The following VIT variants were observed in gnomAD, a reference collection of about 807,000 sequenced individuals.
VIT encodes vitrin.
A neutral mutation model predicts 78.0 loss-of-function variants in VIT; 99 were observed. The observed-to-expected ratio is 1.27, with a 90% CI of 1.08 to 1.50. The LOEUF (loss-of-function observed/expected upper bound fraction) is 1.50, where lower values mean the gene tolerates loss of function less well. Among genes scored for constraint, VIT ranks in the 40% most tolerant of loss-of-function variants. VIT has a pLI of 0.00. For missense variants in VIT, 1,126 were observed against 875.3 expected, an observed-to-expected ratio of 1.29 and a Z score of -3.61; for synonymous variants, 374 against 334.3, an observed-to-expected ratio of 1.12 and a Z score of -1.29.
At chr2:36,778,748 C>G (rs1209309881) in intron 9 of VIT, among the ~76,000 whole-genome samples, 1 of 152,180 alleles carries the variant, frequency 6.6e-6, no homozygotes, top group Non-Finnish European at 1.5e-5. Context: ...GTGCTCCCCA[C>G]TTCGGTACAG....
chr2:36,749,706 C>A (rs1668343179), intron 4 of VIT, among the ~76,000 whole-genome samples: 1 of 152,194 alleles, frequency 6.6e-6, no homozygotes, highest in Non-Finnish European at 1.5e-5. Flanking sequence ...CTGCCCAGGA[C>A]AGCTTTGAGA....
intron 15 of VIT, among the ~76,000 whole-genome samples, chr2:36,809,590 G>A (rs886723561): frequency 6.6e-6 from 1 of 152,006 alleles, no homozygotes. Context: ...GCTAATTTTT[G>A]TATTTTTAGT....
chr2:36,793,873 G>C (rs1665674819), intron 12 of VIT, among the ~76,000 whole-genome samples: 1 of 152,330 alleles, frequency 6.6e-6, no homozygotes, highest in East Asian at 1.9e-4. Flanking sequence ...CTTTAGGACT[G>C]AAAGGGCCTC....
chr2:36,766,409 G>A (rs1288624390), intron 6 of VIT, among the ~76,000 whole-genome samples: 1 of 152,120 alleles, frequency 6.6e-6, no homozygotes, highest in Non-Finnish European at 1.5e-5. Flanking sequence ...TCTTGCACCT[G>A]TAGTCCCAGC....
chr2:36,753,011 G>A (rs1345879342), intron 4 of VIT, among the ~76,000 whole-genome samples: 1 of 152,184 alleles, frequency 6.6e-6, no homozygotes, highest in Admixed American at 6.5e-5. Context: ...TATACACCAT[G>A]GAATACTATG....
intron 1 of VIT, among the ~76,000 whole-genome samples, chr2:36,702,988 C>G (rs1234912606): frequency 6.6e-6 from 1 of 152,200 alleles, no homozygotes; most frequent in Non-Finnish European, 1.5e-5. Flanking sequence ...AGAGCTAAAA[C>G]AACCCCAGGC....
intron 4 of VIT, among the ~76,000 whole-genome samples, chr2:36,752,366 A>G (rs1161156466): frequency 1.3e-5 from 2 of 152,160 alleles, no homozygotes; most frequent in African/African-American, 2.4e-5. Context: ...ACCTGGCCCT[A>G]GCAGTGAACT....
In VIT at chr2:36,808,573, C is replaced by T. The variant is rs766356760; in HGVS notation, c.1491C>T (p.Asp497=). 3.7e-6 allele frequency: 6 copies of T among 1,614,154 alleles called. No individual in the cohort carries two copies. Among genetic ancestry groups the T allele is most frequent in the Non-Finnish European group, 3.4e-6 (4 of 1,180,044 alleles). Residue 497 remains aspartate (D), a synonymous_variant, in exon 15 of 16, where the codon GAC becomes GAT. Transcript: ENST00000379242. ...QPLVKRVCDT[D]RLACSKTCLN... Reference sequence around the variant, plus strand: ...TGGTGAAGCGGGTCTGCGACACTGACCGCCTGGCCTGCAGCAAGACCTGCT... The same window carrying T: ...TGGTGAAGCGGGTCTGCGACACTGATCGCCTGGCCTGCAGCAAGACCTGCT...
chr2:36,752,455 T>G (rs1395189179), intron 4 of VIT, among the ~76,000 whole-genome samples: 2 of 152,162 alleles, frequency 1.3e-5, no homozygotes, highest in African/African-American at 2.4e-5. Flanking sequence ...GAGGTGAACA[T>G]CAAGGCCATG....
intron 15 of VIT, among the ~76,000 whole-genome samples, chr2:36,809,380 G>A (rs1666985881): frequency 6.6e-6 from 1 of 152,124 alleles, no homozygotes; most frequent in Non-Finnish European, 1.5e-5. Context: ...AAATTGTACT[G>A]GTACTTAGAC....
intron 6 of VIT, among the ~76,000 whole-genome samples, chr2:36,763,813 T>C (rs1459479588): frequency 6.6e-6 from 1 of 152,100 alleles, no homozygotes; most frequent in East Asian, 1.9e-4. Context: ...GGTCTCAAAC[T>C]CCTGACCTCA....
At chr2:36,770,824 C>A (rs988306451) in intron 7 of VIT, among the ~76,000 whole-genome samples, 1 of 152,182 alleles carries the variant, frequency 6.6e-6, no homozygotes, top group Non-Finnish European at 1.5e-5. Flanking sequence ...GCCATGGTTG[C>A]CTCAGCTGAG....
At chr2:36,730,892 C>A (rs971186110) in intron 3 of VIT, among the ~76,000 whole-genome samples, 1 of 151,932 alleles carries the variant, frequency 6.6e-6, no homozygotes, top group African/African-American at 2.4e-5. Flanking sequence ...GATTGGTTTG[C>A]GAGTATGCAA....
At chr2:36,759,905 G>A (rs574562903) in intron 6 of VIT, among the ~76,000 whole-genome samples, 2 of 152,260 alleles carry the variant, frequency 1.3e-5, no homozygotes, top group South Asian at 4.1e-4. Context: ...TACTCTGGCT[G>A]AGGAAAATGA....
At chr2:36,727,644 G>C (rs137981218) in intron 2 of VIT, among the ~76,000 whole-genome samples, 1 of 152,338 alleles carries the variant, frequency 6.6e-6, no homozygotes, top group Non-Finnish European at 1.5e-5. Context: ...ATACAAACTA[G>C]ACATCTCTTT....
chr2:36,759,113 A>T (rs758788991), intron 6 of VIT, 67 bp downstream of exon 6: 1 of 1,614,044 alleles, frequency 6.2e-7, no homozygotes, highest in East Asian at 2.2e-5. Flanking sequence ...GTTTTGGGAG[A>T]TAGCGGAGAA....
intron 2 of VIT, among the ~76,000 whole-genome samples, chr2:36,727,948 A>G (rs1666954685): frequency 6.6e-6 from 1 of 152,154 alleles, no homozygotes; most frequent in Non-Finnish European, 1.5e-5. Context: ...CTTTTTTTTG[A>G]GATGAAGTCT....
chr2:36,814,358 C>G lies in VIT; in HGVS notation c.2079C>G (p.Asn693Lys), dbSNP rs755443702. 6.2e-7 allele frequency: 1 copy of G among 1,614,080 alleles called. No individual in the cohort carries two copies. Among genetic ancestry groups the G allele is most frequent in the South Asian group, 1.1e-5 (1 of 91,066 alleles). The change falls in exon 16 of 16, where the codon AAC becomes AAG. Residue 693 changes from asparagine to lysine, a missense_variant. By Grantham distance (94) the Asn-to-Lys change is moderately conservative. Transcript: ENST00000379242. ...ICTEFNSQPR[N>K] ...CAGAGTTCAACTCACAGCCTCGGAACTGAATTCAGAGCAGGCAGAGCACCA... is the reference window on the plus strand; with the variant it reads ...CAGAGTTCAACTCACAGCCTCGGAAGTGAATTCAGAGCAGGCAGAGCACCA...
chr2:36,755,270 T>C (rs774396533), intron 5 of VIT, among the ~76,000 whole-genome samples: 16 of 152,254 alleles, frequency 1.1e-4, no homozygotes, highest in Non-Finnish European at 2.1e-4. Flanking sequence ...CTCCACATGC[T>C]TGTTTTAATT....
Sources: allele counts gnomAD v4.1 joint callset (sites outside exome capture counted in the v4.1 genomes callset), GRCh38; gene constraint gnomAD v4.1.1; transcripts MANE v1.5; gene names NCBI Gene and HGNC (gene_info 2026-07-23, HGNC 2026-07-21).